The following ARHGAP22 variants were observed in gnomAD, a reference collection of about 807,000 sequenced individuals.
ARHGAP22 encodes the protein rho GTPase-activating protein 22.
Under a neutral mutation model 59.1 loss-of-function variants are expected in ARHGAP22, and 48 were observed. That is an observed-to-expected ratio of 0.81 (90% CI 0.64 to 1.03). The LOEUF is 1.03. ARHGAP22 is among the 50% of genes least tolerant of loss of function. The pLI is 0.00. For missense variants in ARHGAP22, 1,015 were observed against 958.7 expected (o/e 1.06, Z -0.78); for synonymous variants, 445 against 416.4 (o/e 1.07, Z -0.84).
In ARHGAP22 at chr10:48,532,465, C is replaced by T. The variant is rs77784905; in HGVS notation, c.322+22998G>A. ...GGAAGGTTCTCTTTTAACACAACCT[C>T]CTCATTTTTCACAAGCAATTTTTTT... On this transcript the variant is annotated intron_variant, in intron 3 of 9. Coordinates refer to ENST00000249601, the MANE Select transcript of ARHGAP22 (RefSeq NM_021226.4). 33 of 152,262 alleles carry T rather than the reference C, an allele frequency of 2.2e-4. No homozygotes were observed. The East Asian group carries it at 6.2e-3, about 28-fold the overall frequency. The allele number at this position is 152,262 out of a possible 1,614,324, so 9.4% of individuals were successfully genotyped here.
intron 2 of ARHGAP22, among the ~76,000 whole-genome samples, chr10:48,573,669 A>G (rs927969007): frequency 2.0e-5 from 3 of 152,344 alleles, no homozygotes; most frequent in Middle Eastern, 3.4e-3. Flanking sequence ...AAGAATTGTA[A>G]TAGTCTTATC....
chr10:48,494,463 T>G (rs1468595348), intron 3 of ARHGAP22, among the ~76,000 whole-genome samples: 1 of 152,316 alleles, frequency 6.6e-6, no homozygotes, highest in East Asian at 1.9e-4. Flanking sequence ...GCACCAAACT[T>G]TGCTCAGTAA....
At chr10:48,435,037 G>A in the ARHGAP22 span, 1 of 1,517,134 alleles carries the variant, frequency 6.6e-7, no homozygotes, top group South Asian at 1.2e-5. Flanking sequence ...TGACTACTTG[G>A]GCCATCGGGG....
intron 3 of ARHGAP22, among the ~76,000 whole-genome samples, chr10:48,553,014 T>C (rs1216952356): frequency 6.6e-6 from 1 of 152,212 alleles, no homozygotes; most frequent in Non-Finnish European, 1.5e-5. Context: ...TGGGGAGCTT[T>C]GCCAGCTGCA....
chr10:48,581,258 C>T (rs12243359), intron 2 of ARHGAP22, among the ~76,000 whole-genome samples: 61,641 of 152,086 alleles, frequency 0.41, 13,383 homozygotes, highest in Non-Finnish European at 0.49. Flanking sequence ...ACAGACCTGA[C>T]TGGGAACCTG....
chr10:48,487,286 C>A (rs1041025840), intron 3 of ARHGAP22, among the ~76,000 whole-genome samples: 1 of 152,006 alleles, frequency 6.6e-6, no homozygotes, highest in African/African-American at 2.4e-5. Flanking sequence ...AGAATAACAG[C>A]CCCCCAAAGA....
At chr10:48,459,585 G>A (rs988105517) in intron 5 of ARHGAP22, 99 bp downstream of exon 5, 48 of 1,384,398 alleles carry the variant, frequency 3.5e-5, no homozygotes, top group Non-Finnish European at 4.4e-5. Context: ...CCATCCTGTC[G>A]CTAGCCCACC....
At chr10:48,635,956 C>T (rs953419222) in intron 1 of ARHGAP22, among the ~76,000 whole-genome samples, 3 of 152,228 alleles carry the variant, frequency 2.0e-5, no homozygotes, top group African/African-American at 4.8e-5. Flanking sequence ...GACATCACCC[C>T]TGTGGATATT....
intron 1 of ARHGAP22, among the ~76,000 whole-genome samples, chr10:48,635,889 T>C (rs988170020): frequency 2.0e-5 from 3 of 152,228 alleles, no homozygotes; most frequent in African/African-American, 7.2e-5. Context: ...AGCTTCAGTT[T>C]TCTCCTCTGT....
intron 4 of ARHGAP22, among the ~76,000 whole-genome samples, chr10:48,477,110 T>C (rs2048827583): frequency 1.3e-5 from 2 of 152,226 alleles, no homozygotes; most frequent in South Asian, 4.1e-4. Flanking sequence ...AAGATATGTA[T>C]GCCCCTCTCC....
intron 2 of ARHGAP22, among the ~76,000 whole-genome samples, chr10:48,564,527 A>T (rs962179743): frequency 3.3e-5 from 5 of 152,166 alleles, no homozygotes; most frequent in African/African-American, 1.2e-4. Flanking sequence ...TTTGCCCTAT[A>T]ATGTTTGCAT....
At chr10:48,496,983 G>A (rs2051003600) in intron 3 of ARHGAP22, among the ~76,000 whole-genome samples, 1 of 152,056 alleles carries the variant, frequency 6.6e-6, no homozygotes, top group Non-Finnish European at 1.5e-5. Flanking sequence ...TGTGCAGGGG[G>A]CCCAGGGCCC....
chr10:48,627,846 G>A (rs748824248), intron 1 of ARHGAP22, among the ~76,000 whole-genome samples: 1 of 152,184 alleles, frequency 6.6e-6, no homozygotes, highest in Non-Finnish European at 1.5e-5. Flanking sequence ...AGGCCACCAG[G>A]TGCTCTATTG....
chr10:48,562,971 G>A (rs1383351010), intron 2 of ARHGAP22, among the ~76,000 whole-genome samples: 1 of 152,092 alleles, frequency 6.6e-6, no homozygotes, highest in Non-Finnish European at 1.5e-5. Context: ...CTGGGCTATA[G>A]TCAATAGCTG....
intron 3 of ARHGAP22, among the ~76,000 whole-genome samples, chr10:48,553,864 C>T (rs2135299105): frequency 6.6e-6 from 1 of 152,308 alleles, no homozygotes; most frequent in East Asian, 1.9e-4. Flanking sequence ...GAATTGATGG[C>T]TGGAGTGTGT....
chr10:48,468,654 G>A (rs2047942454), intron 4 of ARHGAP22, among the ~76,000 whole-genome samples: 1 of 152,114 alleles, frequency 6.6e-6, no homozygotes, highest in South Asian at 2.1e-4. Flanking sequence ...GCTGCAATGT[G>A]GACCTAATAT....
intron 3 of ARHGAP22, among the ~76,000 whole-genome samples, chr10:48,540,286 G>T (rs367849904): frequency 6.6e-6 from 1 of 152,234 alleles, no homozygotes; most frequent in Non-Finnish European, 1.5e-5. Flanking sequence ...GCCCAGGCTG[G>T]AGTGCAATGG....
chr10:48,524,104 T>C, intron 3 of ARHGAP22: 1 of 1,355,666 alleles, frequency 7.4e-7, no homozygotes, highest in Non-Finnish European at 9.5e-7. Context: ...CACAGCCCCA[T>C]GGCAGCCGCC....
At chr10:48,557,366 A>G (rs2057373769) in intron 2 of ARHGAP22, among the ~76,000 whole-genome samples, 1 of 152,166 alleles carries the variant, frequency 6.6e-6, no homozygotes, top group East Asian at 1.9e-4. Context: ...ATTGACATTG[A>G]CATTGCTTTC....
Sources: gnomAD v4.1 joint callset for allele counts (sites outside exome capture counted in the v4.1 genomes callset) on GRCh38, gnomAD v4.1.1 for gene constraint, MANE v1.5 for transcripts, NCBI Gene and HGNC (gene_info 2026-07-23, HGNC 2026-07-21) for gene names.